Variants in GLIS3 observed in about 807,000 individuals in gnomAD.
GLIS3 encodes the protein zinc finger protein GLIS3.
Under a neutral mutation model 78.6 loss-of-function variants are expected in GLIS3, and 53 were observed. The observed-to-expected ratio is 0.67, with a 90% CI of 0.54 to 0.85. GLIS3 has a LOEUF of 0.85. GLIS3 is among the 40% of genes least tolerant of loss of function. The pLI is 0.00. For missense variants in GLIS3, 1,703 were observed against 1,231.1 expected (o/e 1.38, Z -5.74); for synonymous variants, 684 against 509.9 (o/e 1.34, Z -4.60).
At chr9:4,042,947 A>G (rs994349100) in intron 4 of GLIS3, among the ~76,000 whole-genome samples, 4 of 129,580 alleles carry the variant, frequency 3.1e-5, no homozygotes, top group Non-Finnish European at 4.5e-5. Flanking sequence ...GCTTGCTTGA[A>G]AAGAAAAAAA....
At chr9:4,084,889 G>C (rs1030245546) in intron 4 of GLIS3, among the ~76,000 whole-genome samples, 13 of 151,716 alleles carry the variant, frequency 8.6e-5, no homozygotes, top group African/African-American at 2.9e-4. Flanking sequence ...TCTTAAAGAA[G>C]CCTCTTGCAT....
intron 8 of GLIS3, among the ~76,000 whole-genome samples, chr9:3,858,445 G>GCA (rs1265639652): frequency 2.0e-5 from 3 of 151,996 alleles, no homozygotes; most frequent in African/African-American, 7.3e-5. Flanking sequence ...AAATATGATA[G>GCA]GTACAAACCA....
chr9:3,857,323 G>A (rs1819860834), intron 8 of GLIS3, among the ~76,000 whole-genome samples: 1 of 152,168 alleles, frequency 6.6e-6, no homozygotes, highest in African/African-American at 2.4e-5. Flanking sequence ...TATTTCACAG[G>A]AACAAATTGC....
intron 2 of GLIS3, among the ~76,000 whole-genome samples, chr9:4,336,384 G>A (rs1021578987): frequency 6.6e-6 from 1 of 152,094 alleles, no homozygotes; most frequent in Non-Finnish European, 1.5e-5. Context: ...AAGCCACCAG[G>A]CCAGGCCAGG....
the GLIS3 span, among the ~76,000 whole-genome samples, chr9:4,480,053 C>T: frequency 1.3e-5 from 2 of 151,690 alleles, no homozygotes; most frequent in African/African-American, 2.4e-5. Context: ...TGAGCCACGG[C>T]GCCTGGCCTT....
At chr9:4,095,927 A>T (rs1197605999) in intron 4 of GLIS3, among the ~76,000 whole-genome samples, 1 of 151,814 alleles carries the variant, frequency 6.6e-6, no homozygotes, top group Non-Finnish European at 1.5e-5. Flanking sequence ...TTACAGAGCA[A>T]GGAATCAAAC....
At chr9:4,388,127 G>A in the GLIS3 span, among the ~76,000 whole-genome samples, 1 of 152,126 alleles carries the variant, frequency 6.6e-6, no homozygotes, top group Admixed American at 6.5e-5. Context: ...CAAAGTATAA[G>A]GTTATCCATG....
At chr9:4,263,367 G>A (rs184977882) in intron 2 of GLIS3, among the ~76,000 whole-genome samples, 1 of 152,290 alleles carries the variant, frequency 6.6e-6, no homozygotes, top group East Asian at 1.9e-4. Flanking sequence ...TTCATTAATT[G>A]ACATGTGAGA....
intron 2 of GLIS3, among the ~76,000 whole-genome samples, chr9:4,169,382 G>A (rs1311756157): frequency 6.6e-6 from 1 of 152,184 alleles, no homozygotes; most frequent in South Asian, 2.1e-4. Flanking sequence ...CAGAGGTGAG[G>A]TCTACAGATG....
chr9:4,250,926 G>A lies in GLIS3; in HGVS notation c.388+35112C>T, dbSNP rs574970194. ...TTTCTATGTAGTTGTGCGGTTTTGA[G>A]TGAGTTTCTTAATCTTGAGTTCTAA... On this transcript the variant is annotated intron_variant, in intron 2 of 10. Coordinates refer to ENST00000381971, the MANE Select transcript of GLIS3 (RefSeq NM_001042413.2). Among the ~76,000 whole-genome samples, 8 of 152,192 alleles carry A rather than the reference G, an allele frequency of 5.3e-5. No homozygotes were observed. The South Asian group carries it at 8.3e-4, about 16-fold the overall frequency.
intron 4 of GLIS3, among the ~76,000 whole-genome samples, chr9:4,095,102 A>G (rs1588660031): frequency 6.6e-6 from 1 of 152,300 alleles, no homozygotes; most frequent in African/African-American, 2.4e-5. Context: ...GTCATCCTGC[A>G]GATGAATAAA....
chr9:4,363,909 T>C, the GLIS3 span, among the ~76,000 whole-genome samples: 1 of 152,232 alleles, frequency 6.6e-6, no homozygotes, highest in Admixed American at 6.5e-5. Context: ...TCCAAGAGTG[T>C]TTCCAGTTAT....
At chr9:3,910,307 C>T (rs1588206882) in intron 6 of GLIS3, among the ~76,000 whole-genome samples, 1 of 152,310 alleles carries the variant, frequency 6.6e-6, no homozygotes, top group South Asian at 2.1e-4. Flanking sequence ...AACCTCCCCT[C>T]TTAGTGGGTT....
At chr9:4,319,652 C>G (rs577898516) in intron 2 of GLIS3, among the ~76,000 whole-genome samples, 1 of 152,030 alleles carries the variant, frequency 6.6e-6, no homozygotes, top group Non-Finnish European at 1.5e-5. Flanking sequence ...GCCTCACCCT[C>G]CCAGGTAGCT....
intron 2 of GLIS3, among the ~76,000 whole-genome samples, chr9:4,219,767 C>G (rs77486824): frequency 2.6e-5 from 4 of 152,110 alleles, no homozygotes; most frequent in African/African-American, 4.8e-5. Flanking sequence ...TGGCTGGTAT[C>G]GGCAGCACGT....
chr9:4,206,949 C>T (rs953696395), intron 2 of GLIS3, among the ~76,000 whole-genome samples: 3 of 152,160 alleles, frequency 2.0e-5, no homozygotes, highest in Non-Finnish European at 4.4e-5. Flanking sequence ...GCTTAATATC[C>T]TTATTTGGAC....
chr9:4,483,502 G>A, the GLIS3 span, among the ~76,000 whole-genome samples: 29 of 152,056 alleles, frequency 1.9e-4, no homozygotes, highest in Middle Eastern at 3.4e-3. Context: ...GGCAGATCAC[G>A]AGGTCAGGAG....
the GLIS3 span, among the ~76,000 whole-genome samples, chr9:4,412,231 T>G: frequency 6.6e-6 from 1 of 152,232 alleles, no homozygotes; most frequent in African/African-American, 2.4e-5. Context: ...CTTAATGCTG[T>G]AATATGAAAT....
intron 4 of GLIS3, among the ~76,000 whole-genome samples, chr9:4,015,771 C>G (rs1174198970): frequency 6.6e-6 from 1 of 151,782 alleles, no homozygotes; most frequent in Non-Finnish European, 1.5e-5. Flanking sequence ...CGCCTGTAAT[C>G]CCAGCTACTT....
Sources: gnomAD v4.1 joint callset for allele counts (sites outside exome capture counted in the v4.1 genomes callset) on GRCh38, gnomAD v4.1.1 for gene constraint, MANE v1.5 for transcripts, NCBI Gene and HGNC (gene_info 2026-07-23, HGNC 2026-07-21) for gene names.